Variants in ZNF827 observed in about 807,000 individuals in gnomAD.
ZNF827 encodes zinc finger protein 827.
A neutral mutation model predicts 102.4 loss-of-function variants in ZNF827; 13 were observed. The observed-to-expected ratio is 0.13, with a 90% CI of 0.08 to 0.20. The LOEUF is 0.20. ZNF827 is among the 10% of genes least tolerant of loss of function. The pLI is 1.00. For synonymous variants in ZNF827, 523 were observed against 536.2 expected, an observed-to-expected ratio of 0.98 and a Z score of 0.34; for missense variants, 1,103 against 1,344.4, an observed-to-expected ratio of 0.82 and a Z score of 2.81.
At chr4:145,911,745 T>G (rs956818859) in intron 1 of ZNF827, among the ~76,000 whole-genome samples, 1 of 152,186 alleles carries the variant, frequency 6.6e-6, no homozygotes, top group African/African-American at 2.4e-5. Context: ...TAGGCAGTGC[T>G]TGAGCTCAGA....
intron 3 of ZNF827, among the ~76,000 whole-genome samples, chr4:145,889,236 T>C (rs1237410819): frequency 1.3e-5 from 2 of 152,206 alleles, no homozygotes; most frequent in Non-Finnish European, 1.5e-5. Flanking sequence ...CATTGATTAT[T>C]TCTAAATGTA....
chr4:145,847,166 A>T lies in ZNF827; in HGVS notation c.2222-1153T>A, dbSNP rs556382677. ...GTAACTCTGTCTCAAAAAAATAAAA[A>T]AAAAAAAGAAAAGTAAAACCAATCA... On this transcript the variant is annotated intron_variant, in intron 6 of 14. Transcript: ENST00000508784. Among the ~76,000 whole-genome samples the T allele has an allele frequency of 7.2e-5, 11 of 152,264 alleles. No homozygotes were observed. The East Asian group carries it at 2.1e-3, about 29-fold the overall frequency.
At chr4:145,913,364 T>C (rs1752428952) in intron 1 of ZNF827, among the ~76,000 whole-genome samples, 1 of 141,352 alleles carries the variant, frequency 7.1e-6, no homozygotes, top group South Asian at 2.3e-4. Flanking sequence ...AAGCAGAGGT[T>C]GCAGTGAGTC....
chr4:145,916,576 C>T (rs1305827015), intron 1 of ZNF827, among the ~76,000 whole-genome samples: 1 of 152,132 alleles, frequency 6.6e-6, no homozygotes, highest in African/African-American at 2.4e-5. Context: ...CCTTTGGTTT[C>T]CTTCTATCCA....
intron 5 of ZNF827, among the ~76,000 whole-genome samples, chr4:145,862,819 G>A (rs1474573137): frequency 6.6e-6 from 1 of 152,174 alleles, no homozygotes; most frequent in Non-Finnish European, 1.5e-5. Flanking sequence ...AAACAAGTCT[G>A]CATTTTTTAC....
At position 145,760,904 on chromosome 4, in the gene ZNF827, G is replaced by C; in HGVS notation, c.*712C>G. ...AATGTGAGATCCAAGTGGTTCTTGG[G>C]GTATAACATTGTCAAGGGAATGAGA... On this transcript the variant is annotated 3_prime_UTR_variant, in exon 15 of 15. Coordinates refer to ENST00000508784, the MANE Select transcript of ZNF827 (RefSeq NM_001306215.2). The C allele has an allele frequency of 8.1e-7, 1 of 1,234,378 alleles. No homozygotes were observed. The allele number at this position is 1,234,378 out of a possible 1,614,324, so 76.5% of individuals were successfully genotyped here.
intron 8 of ZNF827, among the ~76,000 whole-genome samples, chr4:145,813,278 C>A (rs1473165737): frequency 1.3e-5 from 2 of 152,110 alleles, no homozygotes; most frequent in East Asian, 3.8e-4. Context: ...CACATCAGCA[C>A]GGGAAGAGTG....
At chr4:145,820,823 T>C (rs1261225788) in intron 8 of ZNF827, among the ~76,000 whole-genome samples, 1 of 152,174 alleles carries the variant, frequency 6.6e-6, no homozygotes. Flanking sequence ...CTTTCAAAAA[T>C]TTCTTTTCAT....
At chr4:145,912,378 C>T (rs146665975) in intron 1 of ZNF827, among the ~76,000 whole-genome samples, 1,703 of 152,264 alleles carry the variant, frequency 0.011, 28 homozygotes, top group African/African-American at 0.036. Flanking sequence ...ATATCCTCAG[C>T]AGAGACTCTT....
intron 8 of ZNF827, among the ~76,000 whole-genome samples, chr4:145,812,941 A>T (rs1184640471): frequency 1.3e-5 from 2 of 152,360 alleles, no homozygotes; most frequent in East Asian, 3.8e-4. Flanking sequence ...TGAAAATATT[A>T]AATGGAAAAT....
chr4:145,823,595 C>G, intron 7 of ZNF827, 70 bp from the exon 8 acceptor site: 1 of 997,260 alleles, frequency 1.0e-6, no homozygotes, highest in Non-Finnish European at 1.6e-6. Flanking sequence ...CACCTGGTCC[C>G]AAATACATAT....
chr4:145,820,611 T>C (rs1233860257), intron 8 of ZNF827, among the ~76,000 whole-genome samples: 1 of 152,210 alleles, frequency 6.6e-6, no homozygotes. Context: ...CATTTCCTAA[T>C]TCAACGTGCT....
chr4:145,840,985 C>T (rs1745361254), intron 7 of ZNF827, among the ~76,000 whole-genome samples: 1 of 152,332 alleles, frequency 6.6e-6, no homozygotes, highest in Non-Finnish European at 1.5e-5. Flanking sequence ...CTATCTTTCT[C>T]TGATTTTCCC....
chr4:145,758,194 G>A lies in ZNF827; in HGVS notation c.*3422C>T, dbSNP rs1406384300. The A allele has an allele frequency of 1.3e-5, 2 of 152,132 alleles. No individual in the cohort carries two copies. Among genetic ancestry groups the A allele is most frequent in the Non-Finnish European group, 2.9e-5 (2 of 68,022 alleles). 9.4% of individuals were successfully genotyped at this position (152,132 alleles called of 1,614,324 possible). On this transcript the variant is annotated 3_prime_UTR_variant, in exon 15 of 15. Transcript: ENST00000508784. Reference sequence around the variant, plus strand: ...ACTTTTATAATTTACCAGAAAGATTGATGACTCTTTCCAAAGTGCTAAAAA... The same window carrying A: ...ACTTTTATAATTTACCAGAAAGATTAATGACTCTTTCCAAAGTGCTAAAAA...
At position 145,826,667 on chromosome 4, in the gene ZNF827, C is replaced by T. The variant is rs147604581; in HGVS notation, c.2280-3142G>A. Among the ~76,000 whole-genome samples the T allele has an allele frequency of 5.8e-4, 89 of 152,352 alleles. 1 individual carries two copies. Among genetic ancestry groups the T allele is most frequent in the African/African-American group, 1.9e-3 (78 of 41,578 alleles). ...TACTATGCCTAATTTATAAATTAAA[C>T]TTTACCATATGTATGCATAGGAAAA... On this transcript the variant is annotated intron_variant, in intron 7 of 14. Transcript: ENST00000508784.
intron 8 of ZNF827, among the ~76,000 whole-genome samples, chr4:145,798,400 T>A (rs1740576930): frequency 6.6e-6 from 1 of 152,246 alleles, no homozygotes; most frequent in South Asian, 2.1e-4. Flanking sequence ...GCACAGTGGC[T>A]CACGCCTATA....
rs1235576160 is a variant in ZNF827, at chr4:145,902,011, C to T, written c.1093+155G>A. On this transcript the variant is annotated intron_variant, in intron 2 of 14. Transcript: ENST00000508784. The surrounding 1 kb of genome is among the most constrained non-coding windows in gnomAD (Gnocchi z 4.3). Reference sequence around the variant, plus strand: ...TGTGTAATACGTACATGAAAGACTACTATGCTGCTTACTTAAAGTATTTTT... The same window carrying T: ...TGTGTAATACGTACATGAAAGACTATTATGCTGCTTACTTAAAGTATTTTT... Among the ~76,000 whole-genome samples, 3 of 152,200 alleles carry T rather than the reference C, an allele frequency of 2.0e-5. No individual in the cohort carries two copies. The highest frequency in any genetic ancestry group is 2.1e-4 in the South Asian group (1 of 4,834).
intron 8 of ZNF827, among the ~76,000 whole-genome samples, chr4:145,795,949 G>T (rs369831515): frequency 2.0e-5 from 3 of 152,164 alleles, no homozygotes; most frequent in Admixed American, 2.0e-4. Context: ...TTCTGGGCAC[G>T]CATATATTTG....
chr4:145,775,853 C>G lies in ZNF827; in HGVS notation c.2629G>C (p.Glu877Gln). 2.5e-6 allele frequency: 4 copies of G among 1,614,146 alleles called. No homozygotes were observed. The highest frequency in any genetic ancestry group is 2.5e-6 in the Non-Finnish European group (3 of 1,180,024). Reference protein sequence around the residue: ...HSVKLVSTDTEDIVSAVTSEG... With the variant: ...HSVKLVSTDTQDIVSAVTSEG... ...GAGGTGACGGCGCTGACAATGTCCT[C>G]GGTGTCTGTACTCACCAGCTTCACG... The change falls in exon 10 of 15, where the codon GAG becomes CAG. Residue 877 changes from glutamate (E) to glutamine (Q), a missense_variant. Glu to Gln is a conservative substitution (Grantham distance 29). Coordinates refer to ENST00000508784, the MANE Select transcript of ZNF827 (RefSeq NM_001306215.2).
Sources: gnomAD v4.1 joint callset for allele counts (sites outside exome capture counted in the v4.1 genomes callset) on GRCh38, gnomAD v4.1.1 for gene constraint, Gnocchi (gnomAD v3.1) non-coding constraint, MANE v1.5 for transcripts, NCBI Gene and HGNC (gene_info 2026-07-23, HGNC 2026-07-21) for gene names.